The following SOX5 variants were observed in gnomAD, a reference collection of about 807,000 sequenced individuals.
SOX5 encodes the protein transcription factor SOX-5.
In SOX5, 9 loss-of-function variants were observed where a neutral mutation model predicts 92.0. That is an observed-to-expected ratio of 0.10 (90% CI 0.06 to 0.17). The LOEUF is 0.17. SOX5 is among the 10% of genes least tolerant of loss of function. SOX5 has a pLI of 1.00. For synonymous variants in SOX5, 344 were observed against 336.3 expected, an observed-to-expected ratio of 1.02 and a Z score of -0.25; for missense variants, 642 against 944.5, an observed-to-expected ratio of 0.68 and a Z score of 4.20.
intron 4 of SOX5, among the ~76,000 whole-genome samples, chr12:24,081,671 G>A (rs1011285530): frequency 6.6e-5 from 10 of 151,844 alleles, no homozygotes; most frequent in Admixed American, 2.0e-4. Flanking sequence ...CTCTCTGCAC[G>A]GAACGTCACC....
intron 4 of SOX5, among the ~76,000 whole-genome samples, chr12:23,982,882 G>C (rs1259083358): frequency 2.0e-5 from 3 of 151,992 alleles, no homozygotes; most frequent in African/African-American, 7.3e-5. Context: ...ATTTGGACTA[G>C]CCACATTTCA....
rs1482235530 is a variant in SOX5, at chr12:24,303,732, T to C, written c.-173-26420A>G. Among the ~76,000 whole-genome samples the C allele has an allele frequency of 2.6e-5, 4 of 152,114 alleles. No homozygotes were observed. In the East Asian group the frequency reaches 7.7e-4, roughly 29 times the overall value. On this transcript the variant is annotated intron_variant, in intron 2 of 4. Transcript: ENST00000446891. ...CACCGATTCCTTCTCCTGTGTTCTG[T>C]TTGTAGAAAGCAAATCCTAAGTCCA...
At chr12:23,845,037 A>T (rs2096559576) in intron 3 of SOX5, among the ~76,000 whole-genome samples, 1 of 152,230 alleles carries the variant, frequency 6.6e-6, no homozygotes, top group Non-Finnish European at 1.5e-5. Flanking sequence ...TTTAATTGTC[A>T]CATGGCTGTC....
intron 1 of SOX5, among the ~76,000 whole-genome samples, chr12:24,523,853 A>T (rs1433288646): frequency 6.6e-6 from 1 of 152,260 alleles, no homozygotes; most frequent in Non-Finnish European, 1.5e-5. Context: ...CATGGATATG[A>T]CACCAAAAGC....
intron 6 of SOX5, among the ~76,000 whole-genome samples, chr12:23,733,238 G>C (rs2140884823): frequency 6.6e-6 from 1 of 152,192 alleles, no homozygotes; most frequent in Admixed American, 6.5e-5. Flanking sequence ...AAAATCAAGT[G>C]ACTACCACAT....
chr12:23,557,278 A>C (rs1945343066), intron 11 of SOX5, among the ~76,000 whole-genome samples: 1 of 152,242 alleles, frequency 6.6e-6, no homozygotes, highest in Non-Finnish European at 1.5e-5. Flanking sequence ...TCTTAATTAA[A>C]ATATACATGT....
intron 8 of SOX5, among the ~76,000 whole-genome samples, chr12:23,610,033 T>C (rs1040941284): frequency 2.6e-5 from 4 of 152,174 alleles, no homozygotes; most frequent in African/African-American, 7.2e-5. Flanking sequence ...TTTTAACTTG[T>C]ACTAATTAAT....
chr12:24,161,189 A>C (rs1326228128), intron 4 of SOX5, among the ~76,000 whole-genome samples: 3 of 152,134 alleles, frequency 2.0e-5, no homozygotes, highest in African/African-American at 7.2e-5. Flanking sequence ...CCTTTTCCAG[A>C]GGGTCTTAAA....
In SOX5 at chr12:24,066,451, T is replaced by G. The variant is rs1364768264; in HGVS notation, c.-2+146892A>C. Among the ~76,000 whole-genome samples the G allele has an allele frequency of 3.3e-5, 5 of 151,940 alleles. No individual in the cohort carries two copies. In the South Asian group the frequency reaches 1.0e-3, roughly 31 times the overall value. On this transcript the variant is annotated intron_variant, in intron 4 of 4. Transcript: ENST00000446891. ...GTACATGATAGGTGCTCAATAAGTG[T>G]TGAAATAATGAGTCCTTGAAAAAAT...
chr12:24,156,357 C>T (rs778288582), intron 4 of SOX5, among the ~76,000 whole-genome samples: 4 of 152,116 alleles, frequency 2.6e-5, no homozygotes, highest in Non-Finnish European at 4.4e-5. Context: ...ACTGGTTTCT[C>T]CTGGGAGCAC....
intron 4 of SOX5, among the ~76,000 whole-genome samples, chr12:23,999,539 AT>A (rs1267122578): frequency 6.6e-6 from 1 of 152,148 alleles, no homozygotes; most frequent in Non-Finnish European, 1.5e-5. Flanking sequence ...TAATGTATAC[AT>A]ATATCAAAAA....
intron 8 of SOX5, among the ~76,000 whole-genome samples, chr12:23,608,903 G>A (rs2075605731): frequency 6.6e-6 from 1 of 152,170 alleles, no homozygotes; most frequent in Admixed American, 6.6e-5. Context: ...GCAGAGGAGA[G>A]AGAAAGTGTA....
intron 7 of SOX5, among the ~76,000 whole-genome samples, chr12:23,649,964 T>A (rs1172297848): frequency 6.6e-6 from 1 of 152,186 alleles, no homozygotes; most frequent in Non-Finnish European, 1.5e-5. Context: ...TATGGCATTA[T>A]CTTCACTGAA....
intron 4 of SOX5, among the ~76,000 whole-genome samples, chr12:23,743,002 A>G (rs2093854300): frequency 6.6e-6 from 1 of 152,192 alleles, no homozygotes; most frequent in African/African-American, 2.4e-5. Context: ...TGGGTTAATT[A>G]CTAATTGTTT....
chr12:23,979,961 A>T (rs1949408119), intron 4 of SOX5, among the ~76,000 whole-genome samples: 1 of 150,554 alleles, frequency 6.6e-6, no homozygotes. Context: ...AGACAGACAG[A>T]CAGATAGATA....
intron 2 of SOX5, among the ~76,000 whole-genome samples, chr12:23,895,045 T>G (rs1595449411): frequency 6.6e-6 from 1 of 152,120 alleles, no homozygotes; most frequent in East Asian, 1.9e-4. Flanking sequence ...CACAATGACT[T>G]ATTTGTGTTT....
At chr12:23,558,944 C>A (rs1361056707) in intron 11 of SOX5, among the ~76,000 whole-genome samples, 1 of 152,204 alleles carries the variant, frequency 6.6e-6, no homozygotes, top group Non-Finnish European at 1.5e-5. Context: ...TTTCCTGATA[C>A]ATGTAGCGAA....
intron 2 of SOX5, among the ~76,000 whole-genome samples, chr12:24,288,635 T>C (rs1186289729): frequency 6.6e-6 from 1 of 152,166 alleles, no homozygotes; most frequent in Non-Finnish European, 1.5e-5. Context: ...AAAGTCAGAA[T>C]TACACATTTC....
intron 11 of SOX5, among the ~76,000 whole-genome samples, chr12:23,558,526 C>T (rs1565804807): frequency 6.6e-6 from 1 of 152,212 alleles, no homozygotes; most frequent in African/African-American, 2.4e-5. Flanking sequence ...CAGATTTCAA[C>T]TCTGATATCA....
Sources: gnomAD v4.1 joint callset for allele counts (sites outside exome capture counted in the v4.1 genomes callset) on GRCh38, gnomAD v4.1.1 for gene constraint, MANE v1.5 for transcripts, NCBI Gene and HGNC (gene_info 2026-07-23, HGNC 2026-07-21) for gene names.